The following LRGUK variants were observed in gnomAD, a reference collection of about 807,000 sequenced individuals.
LRGUK encodes the protein leucine rich repeats and guanylate kinase domain containing.
In LRGUK, 65 loss-of-function variants were observed where a neutral mutation model predicts 76.0. The observed-to-expected ratio is 0.85, with a 90% confidence interval of 0.70 to 1.05. The LOEUF is 1.05. LRGUK is among the 50% of genes least tolerant of loss of function. The pLI is 0.00. For missense variants in LRGUK, 758 were observed against 732.8 expected (o/e 1.03, Z -0.40); for synonymous variants, 268 against 265.6 (o/e 1.01, Z -0.09).
chr7:134,222,233 G>A (rs1801618134), intron 16 of LRGUK, among the ~76,000 whole-genome samples: 1 of 152,190 alleles, frequency 6.6e-6, no homozygotes, highest in Non-Finnish European at 1.5e-5. Context: ...GTATTTCAAG[G>A]GAAAACTTGC....
intron 10 of LRGUK, among the ~76,000 whole-genome samples, chr7:134,180,904 CTGCTCCCAGCCTCT>C (rs1799712473): frequency 6.6e-6 from 1 of 152,178 alleles, no homozygotes. Flanking sequence ...TGGTTCTTCT[CTGCTCCCAGCCTCT>C]GGTAAGCTCT....
At chr7:134,158,398 CA>C (rs1798575425) in intron 6 of LRGUK, among the ~76,000 whole-genome samples, 1 of 151,916 alleles carries the variant, frequency 6.6e-6, no homozygotes, top group Admixed American at 6.6e-5. Context: ...ATTTGTTATC[CA>C]AATTCAGTAT....
At chr7:134,202,750 T>C (rs1800829177) in intron 15 of LRGUK, among the ~76,000 whole-genome samples, 2 of 152,196 alleles carry the variant, frequency 1.3e-5, no homozygotes, top group South Asian at 4.1e-4. Flanking sequence ...AGTCAATTCA[T>C]AGAGCCAGAA....
the LRGUK span, among the ~76,000 whole-genome samples, chr7:134,274,900 CTTTCA>C: frequency 7.2e-5 from 11 of 151,904 alleles, no homozygotes; most frequent in Non-Finnish European, 1.6e-4. Flanking sequence ...TCAAATCTGT[CTTTCA>C]TTTCAGTTGT....
chr7:134,271,740 A>G, the LRGUK span, among the ~76,000 whole-genome samples: 1 of 152,010 alleles, frequency 6.6e-6, no homozygotes, highest in African/African-American at 2.4e-5. Flanking sequence ...CTTCAATACA[A>G]TTGTATAATT....
At chr7:134,204,484 G>T (rs1043031725) in intron 15 of LRGUK, among the ~76,000 whole-genome samples, 4 of 152,158 alleles carry the variant, frequency 2.6e-5, no homozygotes, top group African/African-American at 4.8e-5. Flanking sequence ...AACTGTAAAA[G>T]GTAGGTAGGC....
chr7:134,271,231 CA>C, the LRGUK span, among the ~76,000 whole-genome samples: 1 of 151,866 alleles, frequency 6.6e-6, no homozygotes, highest in Non-Finnish European at 1.5e-5. Flanking sequence ...AAGCATATTA[CA>C]AAGATCTTTT....
At chr7:134,205,141 A>G (rs1800949063) in intron 15 of LRGUK, among the ~76,000 whole-genome samples, 1 of 152,196 alleles carries the variant, frequency 6.6e-6, no homozygotes, top group South Asian at 2.1e-4. Context: ...GGGAATGGAC[A>G]TGTTCCATTT....
At chr7:134,145,787 G>C (rs753739891) in intron 4 of LRGUK, among the ~76,000 whole-genome samples, 23 of 152,198 alleles carry the variant, frequency 1.5e-4, no homozygotes, top group Admixed American at 2.6e-4. Context: ...TAATATCTAT[G>C]AGCCTTGTAC....
intron 18 of LRGUK, among the ~76,000 whole-genome samples, chr7:134,257,098 C>A (rs1802603938): frequency 6.6e-6 from 1 of 152,172 alleles, no homozygotes; most frequent in African/African-American, 2.4e-5. Context: ...CTACTCATGG[C>A]ATGACTTCCA....
chr7:134,232,435 C>A (rs1340995246), intron 16 of LRGUK, among the ~76,000 whole-genome samples: 1 of 152,090 alleles, frequency 6.6e-6, no homozygotes, highest in Non-Finnish European at 1.5e-5. Flanking sequence ...CGTGCCACCA[C>A]ACTTGGCTAA....
At chr7:134,269,974 C>T in the LRGUK span, among the ~76,000 whole-genome samples, 1 of 152,086 alleles carries the variant, frequency 6.6e-6, no homozygotes, top group Non-Finnish European at 1.5e-5. Context: ...TACAAAATAC[C>T]TACAGTTAAA....
the LRGUK span, among the ~76,000 whole-genome samples, chr7:134,271,077 T>C: frequency 6.6e-6 from 1 of 152,082 alleles, no homozygotes; most frequent in Non-Finnish European, 1.5e-5. Context: ...AAGTTGAACC[T>C]TTTAAATAAG....
chr7:134,170,830 G>T (rs1799210128), intron 7 of LRGUK, among the ~76,000 whole-genome samples: 1 of 152,070 alleles, frequency 6.6e-6, no homozygotes, highest in Admixed American at 6.6e-5. Context: ...TAGTTTCATT[G>T]AATAATACTA....
At chr7:134,130,666 T>C (rs1474754872) in intron 1 of LRGUK, among the ~76,000 whole-genome samples, 2 of 152,252 alleles carry the variant, frequency 1.3e-5, no homozygotes, top group Non-Finnish European at 2.9e-5. Flanking sequence ...CAGTTTATTA[T>C]TCCCAGTTTA....
intron 9 of LRGUK, 109 bp downstream of exon 9, chr7:134,177,172 A>G (rs1482708588): frequency 1.6e-6 from 1 of 638,326 alleles, no homozygotes; most frequent in East Asian, 2.8e-5. Context: ...ACACATAACA[A>G]TATGTACATT....
At chr7:134,157,745 G>T (rs1006482221) in intron 5 of LRGUK, among the ~76,000 whole-genome samples, 1 of 152,086 alleles carries the variant, frequency 6.6e-6, no homozygotes, top group Admixed American at 6.5e-5. Context: ...GGATGGTCTC[G>T]ATCTCCTGAC....
At chr7:134,168,927 C>G (rs1003182732) in intron 7 of LRGUK, among the ~76,000 whole-genome samples, 2 of 152,098 alleles carry the variant, frequency 1.3e-5, no homozygotes, top group Non-Finnish European at 2.9e-5. Context: ...GGAGCCACTT[C>G]TCTTGGAAGC....
intron 5 of LRGUK, among the ~76,000 whole-genome samples, chr7:134,155,730 T>G (rs1293016665): frequency 6.6e-6 from 1 of 152,176 alleles, no homozygotes; most frequent in Non-Finnish European, 1.5e-5. Flanking sequence ...CATTTTCTAA[T>G]TTTTTTCCCA....
Sources: allele counts gnomAD v4.1 joint callset (sites outside exome capture counted in the v4.1 genomes callset), GRCh38; gene constraint gnomAD v4.1.1; transcripts MANE v1.5; gene names NCBI Gene and HGNC (gene_info 2026-07-23, HGNC 2026-07-21).